Variants in PAQR5 observed in about 807,000 individuals in gnomAD.
PAQR5 encodes progestin and adipoQ receptor family member 5, also known as membrane progestin receptor gamma.
A neutral mutation model predicts 34.5 loss-of-function variants in PAQR5; 20 were observed. The observed-to-expected ratio is 0.58, with a 90% confidence interval of 0.41 to 0.84. PAQR5 has a LOEUF of 0.84. PAQR5 is among the 40% of genes least tolerant of loss of function. The pLI is 0.00. For missense variants in PAQR5, 378 were observed against 412.7 expected, an observed-to-expected ratio of 0.92 and a Z score of 0.73; for synonymous variants, 131 against 155.6, an observed-to-expected ratio of 0.84 and a Z score of 1.18.
At chr15:69,384,542 CCG>C in intron 4 of PAQR5, 133 bp from the exon 5 acceptor site, 1 of 223,346 alleles carries the variant, frequency 4.5e-6, no homozygotes, top group South Asian at 5.5e-5. Flanking sequence ...AGTGGGCCCT[CCG>C]TGTTCATCAT....
intron 1 of PAQR5, among the ~76,000 whole-genome samples, chr15:69,319,950 G>T (rs1349239607): frequency 2.0e-5 from 3 of 152,200 alleles, no homozygotes; most frequent in African/African-American, 4.8e-5. Flanking sequence ...CTGCGGTCTG[G>T]TCTGGCTTCC....
chr15:69,302,932 C>G (rs2053637105), intron 1 of PAQR5, among the ~76,000 whole-genome samples: 1 of 152,224 alleles, frequency 6.6e-6, no homozygotes, highest in Non-Finnish European at 1.5e-5. Context: ...CCATGTCCCC[C>G]TGCTTCTTCT....
At chr15:69,365,057 ATTTTATTTTATTTTATTTTATTTTATT>A (rs1357091734) in intron 3 of PAQR5, among the ~76,000 whole-genome samples, 19 of 860 alleles carry the variant, frequency 0.022, 1 homozygote, top group Non-Finnish European at 0.2. Context: ...ATTTTATTTT[ATTTTATTTTATTTTATTTTATTTTATT>A]TTATTTTATT....
chr15:69,374,680 A>C (rs1474211893), intron 3 of PAQR5, among the ~76,000 whole-genome samples: 1 of 152,118 alleles, frequency 6.6e-6, no homozygotes, highest in Admixed American at 6.5e-5. Context: ...CTGTCTCAAT[A>C]ATAATAATGA....
chr15:69,358,276 T>G (rs74582855), intron 2 of PAQR5, among the ~76,000 whole-genome samples: 1,582 of 152,310 alleles, frequency 0.01, 21 homozygotes, highest in African/African-American at 0.036. Flanking sequence ...ATTTAAGCAA[T>G]CTTGTTACTT....
In PAQR5 at chr15:69,407,011, G is replaced by A. The variant is rs2056757710; in HGVS notation, c.*3189G>A. The A allele has an allele frequency of 6.6e-6, 1 of 152,414 alleles. No homozygotes were observed. The highest frequency in any genetic ancestry group is 1.5e-5 in the Non-Finnish European group (1 of 68,194). The allele number at this position is 152,414 out of a possible 1,614,324, so 9.4% of individuals were successfully genotyped here. ...GTTCCCCCTGCTGCCCCGCCCAGTA[G>A]AAACTTGCTCATATGAGAGGTTCTG... is the stretch of plus-strand genomic sequence containing the variant. On this transcript the variant is annotated 3_prime_UTR_variant, in exon 9 of 9. Transcript: ENST00000395407.
chr15:69,334,826 A>T (rs1320116773), intron 1 of PAQR5, among the ~76,000 whole-genome samples: 2 of 152,212 alleles, frequency 1.3e-5, no homozygotes, highest in African/African-American at 4.8e-5. Context: ...TCTTAACCCA[A>T]AAGAGTAATG....
At chr15:69,333,976 C>T (rs2054450909) in intron 1 of PAQR5, among the ~76,000 whole-genome samples, 1 of 152,072 alleles carries the variant, frequency 6.6e-6, no homozygotes, top group Non-Finnish European at 1.5e-5. Flanking sequence ...AAAATAGAAA[C>T]CGTAATACCT....
chr15:69,302,165 G>A (rs563192244), intron 1 of PAQR5, among the ~76,000 whole-genome samples: 16 of 152,082 alleles, frequency 1.1e-4, no homozygotes, highest in Non-Finnish European at 1.9e-4. Context: ...TCCGCCTCCC[G>A]GTCTCGAGCT....
intron 6 of PAQR5, among the ~76,000 whole-genome samples, chr15:69,395,191 G>GT (rs1375689141): frequency 6.6e-6 from 1 of 152,210 alleles, no homozygotes; most frequent in East Asian, 1.9e-4. Flanking sequence ...AAGAAGGCCG[G>GT]TGAGGCAGAT....
intron 2 of PAQR5, among the ~76,000 whole-genome samples, chr15:69,359,507 G>T (rs956020660): frequency 1.3e-5 from 2 of 152,046 alleles, no homozygotes; most frequent in African/African-American, 4.8e-5. Context: ...CGAGCAGGGG[G>T]TATGTAACTG....
intron 4 of PAQR5, among the ~76,000 whole-genome samples, chr15:69,383,362 C>A (rs1477370587): frequency 7.0e-6 from 1 of 142,822 alleles, no homozygotes; most frequent in Non-Finnish European, 1.5e-5. Context: ...GGTGAGTGGG[C>A]CTTTGTGTAC....
At chr15:69,323,406 A>T (rs961383114) in intron 1 of PAQR5, among the ~76,000 whole-genome samples, 10 of 152,310 alleles carry the variant, frequency 6.6e-5, no homozygotes, top group Admixed American at 6.5e-4. Context: ...TTCCAAATGC[A>T]TGAGCTGTTA....
chr15:69,330,625 G>A (rs117269276), intron 1 of PAQR5, among the ~76,000 whole-genome samples: 251 of 152,020 alleles, frequency 1.7e-3, no homozygotes, highest in East Asian at 9.3e-3. Context: ...AGACAACTTC[G>A]ACTCCCTATG....
Position 69,406,385 on chromosome 15 carries a change from C to T in PAQR5, c.*2563C>T, listed in dbSNP as rs2056750105. The T allele has an allele frequency of 6.6e-6, 1 of 152,180 alleles. No individual in the cohort carries two copies. The highest frequency in any genetic ancestry group is 2.4e-5 in the African/African-American group (1 of 41,436). The allele number at this position is 152,180 out of a possible 1,614,324, so 9.4% of individuals were successfully genotyped here. ...TTACCCATTGAAGGGGTTCCTTTTC[C>T]ATTGCTCAGTTTTTAGAAAATAATT... On this transcript the variant is annotated 3_prime_UTR_variant, in exon 9 of 9. Transcript: ENST00000395407.
chr15:69,387,455 A>G (rs1317151591), intron 5 of PAQR5, among the ~76,000 whole-genome samples: 6 of 152,214 alleles, frequency 3.9e-5, no homozygotes, highest in Non-Finnish European at 7.3e-5. Context: ...AATGGATGTA[A>G]TATCTTCTTT....
chr15:69,345,910 C>T (rs2054756765), intron 2 of PAQR5, among the ~76,000 whole-genome samples: 1 of 152,156 alleles, frequency 6.6e-6, no homozygotes, highest in African/African-American at 2.4e-5. Context: ...AGCCACTGCA[C>T]TGAAGCCTGG....
intron 3 of PAQR5, among the ~76,000 whole-genome samples, chr15:69,366,067 A>T (rs951698500): frequency 6.6e-6 from 1 of 152,204 alleles, no homozygotes; most frequent in Non-Finnish European, 1.5e-5. Flanking sequence ...CAGTTTTTAG[A>T]ACATTTTCAT....
At chr15:69,389,834 T>G in intron 6 of PAQR5, 54 bp downstream of exon 6, 1 of 1,595,654 alleles carries the variant, frequency 6.3e-7, no homozygotes, top group Non-Finnish European at 8.6e-7. Flanking sequence ...TGCATGCAGC[T>G]CCCTGCACTC....
Sources: allele counts gnomAD v4.1 joint callset (sites outside exome capture counted in the v4.1 genomes callset), GRCh38; gene constraint gnomAD v4.1.1; transcripts MANE v1.5; gene names NCBI Gene and HGNC (gene_info 2026-07-23, HGNC 2026-07-21).